The following SENP7 variants were observed in gnomAD, a reference collection of about 807,000 sequenced individuals.
The protein encoded by SENP7 is SUMO specific peptidase 7, also known as sentrin-specific protease 7.
Under a neutral mutation model 141.2 loss-of-function variants are expected in SENP7, and 64 were observed. The observed-to-expected ratio is 0.45, with a 90% CI of 0.37 to 0.56. The LOEUF is 0.56. SENP7 is among the 20% of genes least tolerant of loss of function. The pLI is 0.00. For synonymous variants in SENP7, 382 were observed against 426.4 expected (o/e 0.90, Z 1.28); for missense variants, 1,025 against 1,212.2 (o/e 0.85, Z 2.29).
chr3:101,327,946 A>G (rs1226452990), intron 22 of SENP7, 130 bp from the exon 23 acceptor site: 1 of 646,766 alleles, frequency 1.5e-6, no homozygotes, highest in Non-Finnish European at 2.5e-6. Flanking sequence ...ACTGAATTTT[A>G]GCAGTGCAAC....
chr3:101,442,850 A>G (rs1296908952), intron 4 of SENP7, among the ~76,000 whole-genome samples: 1 of 152,150 alleles, frequency 6.6e-6, no homozygotes, highest in Non-Finnish European at 1.5e-5. Flanking sequence ...GTCAGACAAA[A>G]AAAAAAGAAT....
At position 101,457,246 on chromosome 3, in the gene SENP7, T is replaced by A; in HGVS notation, c.284+1709A>T. 11 of 1,584,000 alleles carry A rather than the reference T, an allele frequency of 6.9e-6. No individual in the cohort carries two copies. In the South Asian group the frequency reaches 1.1e-4, roughly 16 times the overall value. ...TCTTCAGAAGTTGACTCAATTCAGT[T>A]TGCCTCATTCTTGGAAGCCTCATCA... On this transcript the variant is annotated intron_variant, in intron 4 of 23. Coordinates refer to ENST00000394095, the MANE Select transcript of SENP7 (RefSeq NM_020654.5).
At chr3:101,459,111 A>G in intron 3 of SENP7, 59 bp from the exon 4 acceptor site, 2 of 941,578 alleles carry the variant, frequency 2.1e-6, no homozygotes, top group Non-Finnish European at 3.2e-6. Flanking sequence ...AGAGGCATTT[A>G]AACTGTTCTT....
chr3:101,360,498 C>T (rs947788732), intron 11 of SENP7, among the ~76,000 whole-genome samples: 2 of 152,194 alleles, frequency 1.3e-5, no homozygotes, highest in African/African-American at 2.4e-5. Context: ...AAAGCAGAAA[C>T]CATATCTTAG....
Position 101,365,234 on chromosome 3 carries a change from C to T in SENP7, c.1319-243G>A, listed in dbSNP as rs562783638. Among the ~76,000 whole-genome samples the T allele has an allele frequency of 4.5e-4, 69 of 151,940 alleles. No individual in the cohort carries two copies. In the East Asian group the frequency reaches 0.011, roughly 25 times the overall value. ...GCCAGGCTGGTCTCAAACTCCTGAC[C>T]TCAGGTGATCCTCCTGCCTTGGCCT... On this transcript the variant is annotated intron_variant, in intron 9 of 23. Transcript: ENST00000394095.
At chr3:101,344,054 C>A (rs2059393032) in intron 13 of SENP7, 100 bp from the exon 14 acceptor site, 1 of 847,060 alleles carries the variant, frequency 1.2e-6, no homozygotes, top group Non-Finnish European at 1.7e-6. Flanking sequence ...TGGAATATAA[C>A]CCCAAGTATT....
chr3:101,474,984 C>G (rs1301318896), intron 3 of SENP7, among the ~76,000 whole-genome samples: 1 of 152,086 alleles, frequency 6.6e-6, no homozygotes, highest in Non-Finnish European at 1.5e-5. Flanking sequence ...ACTCACTTCA[C>G]CTATAAAGAC....
intron 4 of SENP7, chr3:101,457,157 C>T: frequency 1.0e-6 from 1 of 985,774 alleles, no homozygotes; most frequent in Non-Finnish European, 1.6e-6. Flanking sequence ...GATCCATAAA[C>T]AAAAATTCTT....
At chr3:101,371,933 T>G in intron 7 of SENP7, 75 bp downstream of exon 7, 1 of 522,428 alleles carries the variant, frequency 1.9e-6, no homozygotes, top group Non-Finnish European at 3.1e-6. Flanking sequence ...ATAAAATAAT[T>G]TATTTATAAC....
chr3:101,436,076 AC>A (rs2062376300), intron 4 of SENP7, among the ~76,000 whole-genome samples: 2 of 152,164 alleles, frequency 1.3e-5, no homozygotes, highest in African/African-American at 4.8e-5. Flanking sequence ...AAAAACAAAC[AC>A]ATAGATCAAT....
chr3:101,431,463 T>A (rs926466233), intron 4 of SENP7, among the ~76,000 whole-genome samples: 3 of 151,520 alleles, frequency 2.0e-5, no homozygotes, highest in African/African-American at 7.3e-5. Context: ...CTGATCTTGG[T>A]TGGTTTAAAG....
At chr3:101,349,266 AG>A (rs2059552148) in intron 12 of SENP7, among the ~76,000 whole-genome samples, 1 of 152,192 alleles carries the variant, frequency 6.6e-6, no homozygotes. Context: ...AATCAAAACC[AG>A]AATGAGAGCC....
At chr3:101,349,083 T>C (rs2059546666) in intron 12 of SENP7, among the ~76,000 whole-genome samples, 1 of 152,146 alleles carries the variant, frequency 6.6e-6, no homozygotes, top group South Asian at 2.1e-4. Context: ...CCAGCAGATC[T>C]CAGTTTAATA....
intron 3 of SENP7, among the ~76,000 whole-genome samples, chr3:101,464,445 A>G (rs2063693692): frequency 6.6e-6 from 1 of 152,090 alleles, no homozygotes; most frequent in South Asian, 2.1e-4. Context: ...TTACCACCTG[A>G]GCTCCACCAC....
rs187945511 is a variant in SENP7, at chr3:101,428,127, T to C, written c.285-10337A>G. On this transcript the variant is annotated intron_variant, in intron 4 of 23. Coordinates refer to ENST00000394095, the MANE Select transcript of SENP7 (RefSeq NM_020654.5). ...GGCATTCGGGTTGGTTCCAAGACTT[T>C]ATTATTATGAATAGTGCTGCAATAA... 8.5e-3 allele frequency among the ~76,000 whole-genome samples: 1,290 copies of C among 152,324 alleles called. 23 individuals are homozygous for C. The highest frequency in any genetic ancestry group is 0.03 in the African/African-American group (1,250 of 41,566).
intron 3 of SENP7, among the ~76,000 whole-genome samples, chr3:101,481,186 C>T (rs2064462195): frequency 6.6e-6 from 1 of 151,950 alleles, no homozygotes; most frequent in South Asian, 2.1e-4. Flanking sequence ...ACATACACTC[C>T]CATGTTTACT....
chr3:101,421,845 C>G (rs988092467), intron 4 of SENP7, among the ~76,000 whole-genome samples: 4 of 152,096 alleles, frequency 2.6e-5, no homozygotes, highest in African/African-American at 9.7e-5. Flanking sequence ...GAGTAAAGAA[C>G]AACATTCAAA....
chr3:101,511,163 G>A (rs1264748523), intron 1 of SENP7, among the ~76,000 whole-genome samples: 1 of 152,082 alleles, frequency 6.6e-6, no homozygotes, highest in Non-Finnish European at 1.5e-5. Context: ...AAAAGAAAAC[G>A]CTCTCTAGAG....
At chr3:101,488,261 G>A (rs186615709) in intron 3 of SENP7, among the ~76,000 whole-genome samples, 15 of 151,904 alleles carry the variant, frequency 9.9e-5, no homozygotes, top group Non-Finnish European at 1.8e-4. Context: ...TCTCAGCCTG[G>A]ACATTATTTG....
Sources: allele counts gnomAD v4.1 joint callset (sites outside exome capture counted in the v4.1 genomes callset), GRCh38; gene constraint gnomAD v4.1.1; transcripts MANE v1.5; gene names NCBI Gene and HGNC (gene_info 2026-07-23, HGNC 2026-07-21).